Variants in ZNF721 observed in about 807,000 individuals in gnomAD.
The protein encoded by ZNF721 is zinc finger protein 721.
In ZNF721, 2 loss-of-function variants were observed where a neutral mutation model predicts 2.4. The observed-to-expected ratio is 0.82, with a 90% confidence interval of 0.34 to 2.58. The LOEUF (loss-of-function observed/expected upper bound fraction) is 2.58. Among genes scored for constraint, ZNF721 ranks in the 30% most tolerant of loss-of-function variants. The probability of loss-of-function intolerance (pLI) is 0.11; values close to 1 mark genes in which losing one functional copy is unlikely to be tolerated. For missense variants in ZNF721, 1,187 were observed against 1,085.5 expected (o/e 1.09, Z -1.31); for synonymous variants, 398 against 381.8 (o/e 1.04, Z -0.50).
intron 2 of ZNF721, among the ~76,000 whole-genome samples, chr4:464,856 G>A (rs2108706024): frequency 6.6e-6 from 1 of 151,988 alleles, no homozygotes; most frequent in East Asian, 1.9e-4. Context: ...GAGGCGGGAG[G>A]ATCACGAGGT....
chr4:464,958 G>A (rs1689591222), intron 2 of ZNF721, among the ~76,000 whole-genome samples: 1 of 151,794 alleles, frequency 6.6e-6, no homozygotes, highest in Non-Finnish European at 1.5e-5. Context: ...GGTGGCAGGT[G>A]CCTGCAGTCT....
intron 1 of ZNF721, among the ~76,000 whole-genome samples, chr4:476,627 T>C (rs1171739099): frequency 1.3e-5 from 2 of 152,202 alleles, no homozygotes; most frequent in Non-Finnish European, 2.9e-5. Context: ...CTTTCCGCAA[T>C]GAGCTTGGCA....
chr4:483,786 CATA>C (rs782352746), intron 1 of ZNF721, among the ~76,000 whole-genome samples: 1 of 152,272 alleles, frequency 6.6e-6, no homozygotes, highest in South Asian at 2.1e-4. Flanking sequence ...TTAATCCTAA[CATA>C]ATATTTCAGA....
chr4:471,350 T>C (rs1218243827), intron 2 of ZNF721, among the ~76,000 whole-genome samples: 3 of 152,192 alleles, frequency 2.0e-5, no homozygotes, highest in South Asian at 2.1e-4. Context: ...AGTGTATATA[T>C]ACACAGTAGA....
chr4:484,804 T>C (rs1378577501), intron 1 of ZNF721, among the ~76,000 whole-genome samples: 4 of 152,372 alleles, frequency 2.6e-5, no homozygotes, highest in Admixed American at 2.6e-4. Context: ...TCCTGTGATC[T>C]CGCCCTGCCT....
chr4:448,075 T>C lies in ZNF721; in HGVS notation c.35-3643A>G, dbSNP rs568530526. Among the ~76,000 whole-genome samples the C allele has an allele frequency of 1.3e-4, 20 of 152,286 alleles. No individual in the cohort carries two copies. In the East Asian group the frequency reaches 3.3e-3, roughly 25 times the overall value. On this transcript the variant is annotated intron_variant, in intron 2 of 2. Coordinates refer to ENST00000511833, the MANE Select transcript of ZNF721 (RefSeq NM_133474.4). The stretch of plus-strand genomic sequence containing the variant: ...ATTAAACAATTATGCCTAACAGAAT[T>C]GTAAAGAACACTGCTCAACGAGAAT...
chr4:462,909 TA>T lies in ZNF721; in HGVS notation c.34+9665del, dbSNP rs571750283. On this transcript the variant is annotated intron_variant, in intron 2 of 2. Coordinates refer to ENST00000511833, the MANE Select transcript of ZNF721 (RefSeq NM_133474.4). Reference sequence around the variant, plus strand: ...AAAGCCAAAATTGACAAAAGGGACCTAATTAAACTAAAGAGCTTCTGCACAG... The same window carrying T: ...AAAGCCAAAATTGACAAAAGGGACCTATTAAACTAAAGAGCTTCTGCACAG... 1.1e-4 allele frequency among the ~76,000 whole-genome samples: 16 copies of T among 152,280 alleles called. No individual in the cohort carries two copies. The South Asian group carries it at 3.1e-3, about 30-fold the overall frequency.
intron 1 of ZNF721, among the ~76,000 whole-genome samples, chr4:478,617 TTA>T: frequency 6.6e-6 from 1 of 152,196 alleles, no homozygotes; most frequent in East Asian, 1.9e-4. Context: ...AAAAATCCAT[TTA>T]TATGTCAAGG....
intron 1 of ZNF721, among the ~76,000 whole-genome samples, chr4:487,399 C>A (rs538083721): frequency 1.6e-3 from 251 of 152,268 alleles, no homozygotes; most frequent in Non-Finnish European, 2.4e-3. Flanking sequence ...CAGCTCACTC[C>A]CAGAAGCGGA....
chr4:463,898 G>A (rs1459090956), intron 2 of ZNF721, among the ~76,000 whole-genome samples: 1 of 151,822 alleles, frequency 6.6e-6, no homozygotes, highest in Non-Finnish European at 1.5e-5. Context: ...TCAGAACTTA[G>A]AGCATAATAA....
chr4:456,736 G>C (rs1231950485), intron 2 of ZNF721, among the ~76,000 whole-genome samples: 1 of 152,146 alleles, frequency 6.6e-6, no homozygotes, highest in African/African-American at 2.4e-5. Flanking sequence ...AAAATTAGCT[G>C]GGCGTGGTAG....
chr4:470,765 G>A (rs1420544263), intron 2 of ZNF721, among the ~76,000 whole-genome samples: 1 of 152,050 alleles, frequency 6.6e-6, no homozygotes, highest in Non-Finnish European at 1.5e-5. Flanking sequence ...GCTCACACCT[G>A]TAATTCCAGC....
chr4:467,082 C>A (rs1229104982), intron 2 of ZNF721, among the ~76,000 whole-genome samples: 1 of 152,000 alleles, frequency 6.6e-6, no homozygotes, highest in Admixed American at 6.6e-5. Context: ...ATTAGCCGGG[C>A]GTGGTGGCAG....
At chr4:479,214 G>A (rs1715712643) in intron 1 of ZNF721, among the ~76,000 whole-genome samples, 1 of 152,120 alleles carries the variant, frequency 6.6e-6, no homozygotes, top group Non-Finnish European at 1.5e-5. Context: ...ACACAGTCAC[G>A]AATGTGTTTA....
chr4:465,716 G>A (rs1381069093), intron 2 of ZNF721, among the ~76,000 whole-genome samples: 1 of 151,558 alleles, frequency 6.6e-6, no homozygotes, highest in Non-Finnish European at 1.5e-5. Flanking sequence ...TTACAGGCGT[G>A]AGCCACTGTG....
intron 2 of ZNF721, among the ~76,000 whole-genome samples, chr4:459,597 G>A (rs1253976583): frequency 6.6e-6 from 1 of 152,102 alleles, no homozygotes; most frequent in Non-Finnish European, 1.5e-5. Context: ...TTGAGAGGCC[G>A]AGGTGGACAG....
intron 1 of ZNF721, among the ~76,000 whole-genome samples, chr4:489,190 A>T (rs1715966704): frequency 6.6e-6 from 1 of 152,164 alleles, no homozygotes; most frequent in African/African-American, 2.4e-5. Flanking sequence ...AATAACCAAG[A>T]TGGAGTCACT....
At chr4:461,307 A>G (rs185232375) in intron 2 of ZNF721, among the ~76,000 whole-genome samples, 1 of 152,352 alleles carries the variant, frequency 6.6e-6, no homozygotes, top group African/African-American at 2.4e-5. Flanking sequence ...ACATACGCCA[A>G]TCAATAAATG....
intron 1 of ZNF721, among the ~76,000 whole-genome samples, chr4:484,428 T>A (rs1438611983): frequency 6.6e-6 from 1 of 152,126 alleles, no homozygotes; most frequent in Non-Finnish European, 1.5e-5. Flanking sequence ...AACCTTAAAC[T>A]CTGACCACCG....
Sources: allele counts gnomAD v4.1 joint callset (sites outside exome capture counted in the v4.1 genomes callset), GRCh38; gene constraint gnomAD v4.1.1; transcripts MANE v1.5; gene names NCBI Gene and HGNC (gene_info 2026-07-23, HGNC 2026-07-21).